ATRNL1: variants seen among roughly 807,000 people sequenced by gnomAD.
ATRNL1 encodes attractin-like protein 1.
In ATRNL1, 95 loss-of-function variants were observed where a neutral mutation model predicts 182.7. The observed-to-expected ratio is 0.52, with a 90% CI of 0.44 to 0.62. ATRNL1 has a LOEUF of 0.62. ATRNL1 is among the 20% of genes least tolerant of loss of function. ATRNL1 has a pLI of 0.00. For synonymous variants in ATRNL1, 576 were observed against 568.3 expected (o/e 1.01, Z -0.19); for missense variants, 1,471 against 1,679.5 (o/e 0.88, Z 2.17).
intron 19 of ATRNL1, among the ~76,000 whole-genome samples, chr10:115,377,841 G>A (rs1369292422): frequency 8.5e-5 from 13 of 152,102 alleles, no homozygotes; most frequent in African/African-American, 3.1e-4. Flanking sequence ...CTGCTACTGG[G>A]GCTCTAGCAA....
chr10:115,534,017 C>T (rs1554989327), intron 25 of ATRNL1, among the ~76,000 whole-genome samples: 1 of 150,192 alleles, frequency 6.7e-6, no homozygotes, highest in African/African-American at 2.5e-5. Flanking sequence ...GAGAGCTTTA[C>T]TTCCAAGTAT....
At chr10:115,273,933 G>A (rs910794906) in intron 13 of ATRNL1, among the ~76,000 whole-genome samples, 4 of 152,136 alleles carry the variant, frequency 2.6e-5, no homozygotes, top group African/African-American at 7.2e-5. Flanking sequence ...GGGTTGGTGG[G>A]TCAGATAACA....
At chr10:115,247,756 G>T (rs1403889114) in intron 10 of ATRNL1, among the ~76,000 whole-genome samples, 2 of 152,104 alleles carry the variant, frequency 1.3e-5, no homozygotes, top group Non-Finnish European at 2.9e-5. Flanking sequence ...CAACATCCAA[G>T]ATATGGAACC....
chr10:115,481,372 A>G (rs1483021227), intron 24 of ATRNL1, among the ~76,000 whole-genome samples: 1 of 150,796 alleles, frequency 6.6e-6, no homozygotes, highest in Non-Finnish European at 1.5e-5. Context: ...TTTTGCACAT[A>G]TGTCCCCAAA....
rs374059318 is a variant in ATRNL1 at position 115,339,726 on chromosome 10, G to A, written c.3175+5307G>A. On this transcript the variant is annotated intron_variant, in intron 19 of 28. Coordinates refer to ENST00000355044, the MANE Select transcript of ATRNL1 (RefSeq NM_207303.4). ...TTTTTCTTATTGCTCTAGCTAGGAC[G>A]TTCAGGACTGTGTTCAATAACAGTG... 7.0e-4 allele frequency among the ~76,000 whole-genome samples: 106 copies of A among 152,094 alleles called. 2 individuals carry two copies. The South Asian group carries it at 0.021, about 31-fold the overall frequency.
chr10:115,584,711 C>T (rs1347694342), intron 26 of ATRNL1, among the ~76,000 whole-genome samples: 8 of 152,120 alleles, frequency 5.3e-5, no homozygotes, highest in Non-Finnish European at 8.8e-5. Context: ...CTCCTGGATT[C>T]ATTAATTTTT....
intron 1 of ATRNL1, among the ~76,000 whole-genome samples, chr10:115,113,101 A>G (rs1554868662): frequency 1.3e-5 from 2 of 152,214 alleles, no homozygotes; most frequent in Admixed American, 6.5e-5. Flanking sequence ...AAGGGGTTCA[A>G]TCAAAGCAAA....
rs181294979 is a variant in ATRNL1 at position 115,634,457 on chromosome 10, C to T, written c.3795+84921C>T. On this transcript the variant is annotated intron_variant, in intron 26 of 28. Coordinates refer to ENST00000355044, the MANE Select transcript of ATRNL1 (RefSeq NM_207303.4). Reference sequence around the variant, plus strand: ...CGTTTTATGACTGATGAAATTAATACTGGAACAATGAGTTTAATTGACCAC... The same window carrying T: ...CGTTTTATGACTGATGAAATTAATATTGGAACAATGAGTTTAATTGACCAC... Among the ~76,000 whole-genome samples the T allele has an allele frequency of 2.2e-4, 33 of 152,016 alleles. 3 individuals carry two copies. In the East Asian group the frequency reaches 3.5e-3, roughly 16 times the overall value.
At chr10:115,262,183 T>G (rs1358611742) in intron 10 of ATRNL1, among the ~76,000 whole-genome samples, 1 of 151,648 alleles carries the variant, frequency 6.6e-6, no homozygotes, top group Non-Finnish European at 1.5e-5. Context: ...GATTTTTTTT[T>G]TTTTTGATAA....
At chr10:115,302,539 T>C (rs1021196842) in intron 17 of ATRNL1, among the ~76,000 whole-genome samples, 2 of 152,204 alleles carry the variant, frequency 1.3e-5, no homozygotes, top group African/African-American at 4.8e-5. Flanking sequence ...TTTATCAATG[T>C]TGGTATATCT....
At chr10:115,289,235 T>A (rs1209303870) in intron 15 of ATRNL1, among the ~76,000 whole-genome samples, 1 of 152,142 alleles carries the variant, frequency 6.6e-6, no homozygotes. Context: ...GCCCCCATGA[T>A]TCGATTACTT....
chr10:115,944,285 TAAAA>T (rs10588486), intron 28 of ATRNL1, among the ~76,000 whole-genome samples: 20 of 131,716 alleles, frequency 1.5e-4, no homozygotes, highest in South Asian at 5.0e-4. Flanking sequence ...GTTTTGTTCC[TAAAA>T]AAAAAAAAAA....
At chr10:115,139,494 A>G (rs150074375) in intron 5 of ATRNL1, among the ~76,000 whole-genome samples, 79 of 152,314 alleles carry the variant, frequency 5.2e-4, no homozygotes, top group Middle Eastern at 3.4e-3. Context: ...GCGGCAGACA[A>G]CAGAAAAAAG....
chr10:115,165,598 T>C lies in ATRNL1; in HGVS notation c.1045T>C (p.Ser349Pro). 1 of 1,545,622 alleles carries C rather than the reference T, an allele frequency of 6.5e-7. No individual in the cohort carries two copies. Among genetic ancestry groups the C allele is most frequent in the Non-Finnish European group, 8.8e-7 (1 of 1,137,068 alleles). Residue 349 changes from serine (S) to proline (P), a missense_variant, in exon 7 of 29, where the codon TCA becomes CCA. Around this residue, in one of 3 missense-constraint regions of ATRNL1, gnomAD observed 1,031 missense variants for 1,156.0 expected, o/e 0.89. Coordinates refer to ENST00000355044, the MANE Select transcript of ATRNL1 (RefSeq NM_207303.4). The stretch of plus-strand genomic sequence containing the variant: ...CAGTATATGGAATGTAGGAACTCCA[T>C]CAAGGGGACCTCTCCAGAGATATGG... The part of the protein sequence containing the change: ...ESSIWNVGTP[S>P]RGPLQRYGHS...
chr10:115,759,920 T>A (rs1363426651), intron 27 of ATRNL1, among the ~76,000 whole-genome samples: 1 of 149,494 alleles, frequency 6.7e-6, no homozygotes, highest in African/African-American at 2.5e-5. Context: ...TCTCGAACTC[T>A]TGACCTCATG....
chr10:115,715,031 C>T (rs1947205705), intron 26 of ATRNL1, among the ~76,000 whole-genome samples: 1 of 152,094 alleles, frequency 6.6e-6, no homozygotes, highest in African/African-American at 2.4e-5. Context: ...TTTTTGGGAG[C>T]ATCATTAGAC....
intron 26 of ATRNL1, among the ~76,000 whole-genome samples, chr10:115,595,292 G>A (rs1291203920): frequency 6.6e-6 from 1 of 151,820 alleles, no homozygotes; most frequent in African/African-American, 2.4e-5. Flanking sequence ...AAGGGGTCAA[G>A]TGTGAGACAC....
intron 26 of ATRNL1, among the ~76,000 whole-genome samples, chr10:115,654,191 A>G (rs1860184603): frequency 6.6e-6 from 1 of 152,048 alleles, no homozygotes; most frequent in Non-Finnish European, 1.5e-5. Context: ...GCTGTTGTAG[A>G]CAGAATGGAA....
At chr10:115,570,727 T>C (rs1285907310) in intron 26 of ATRNL1, among the ~76,000 whole-genome samples, 1 of 152,192 alleles carries the variant, frequency 6.6e-6, no homozygotes, top group Middle Eastern at 3.2e-3. Context: ...CCCTTAATTA[T>C]ACTGACAGTT....
Sources: allele counts gnomAD v4.1 joint callset (sites outside exome capture counted in the v4.1 genomes callset), GRCh38; gene constraint gnomAD v4.1.1; regional missense constraint gnomAD v4.1.1; transcripts MANE v1.5; gene names NCBI Gene and HGNC (gene_info 2026-07-23, HGNC 2026-07-21).